The following AK8 variants were observed in gnomAD, a reference collection of about 807,000 sequenced individuals.
AK8 encodes ATP-AMP transphosphorylase 8.
In AK8, 44 loss-of-function variants were observed where a neutral mutation model predicts 54.6. That is an observed-to-expected ratio of 0.81 (90% CI 0.63 to 1.04). The LOEUF (loss-of-function observed/expected upper bound fraction) is 1.04. Ranked by LOEUF, AK8 falls within the 50% of genes least tolerant of loss-of-function variation. The probability of loss-of-function intolerance (pLI) is 0.00; values close to 1 mark genes in which losing one functional copy is unlikely to be tolerated. For synonymous variants in AK8, 239 were observed against 245.6 expected (o/e 0.97, Z 0.25); for missense variants, 555 against 613.6 (o/e 0.90, Z 1.01).
At chr9:132,749,737 A>C (rs535526534) in intron 11 of AK8, among the ~76,000 whole-genome samples, 1 of 150,484 alleles carries the variant, frequency 6.6e-6, no homozygotes, top group East Asian at 2.0e-4. Flanking sequence ...TTGTTCATCG[A>C]TAATTTTTAT....
intron 9 of AK8, 53 bp from the exon 10 acceptor site, chr9:132,814,780 G>A: frequency 2.6e-6 from 4 of 1,529,964 alleles, no homozygotes; most frequent in Admixed American, 2.0e-5. Context: ...TAGGAGGAAG[G>A]ATGAGAAAAA....
intron 11 of AK8, among the ~76,000 whole-genome samples, chr9:132,775,981 C>T (rs1385139155): frequency 6.6e-6 from 1 of 152,220 alleles, no homozygotes; most frequent in South Asian, 2.1e-4. Flanking sequence ...ACAGACAACA[C>T]ACCTAGCAAC....
At position 132,860,327 on chromosome 9, in the gene AK8, T is replaced by C. The variant is rs547925559; in HGVS notation, c.333+3338A>G. 2.0e-5 allele frequency among the ~76,000 whole-genome samples: 3 copies of C among 152,300 alleles called. No individual in the cohort carries two copies. The South Asian group carries it at 6.2e-4, about 32-fold the overall frequency. ...ACTTCTAGGTGTGATAATGTGTCTC[T>C]ATGCGTTTACTGAAAAAGGGCCCTT... On this transcript the variant is annotated intron_variant, in intron 4 of 12. Coordinates refer to ENST00000298545, the MANE Select transcript of AK8 (RefSeq NM_152572.3). The surrounding 1 kb of genome is among the most constrained non-coding windows in gnomAD (Gnocchi z 4.4).
chr9:132,830,471 A>G (rs1842061116), intron 5 of AK8, among the ~76,000 whole-genome samples: 1 of 152,236 alleles, frequency 6.6e-6, no homozygotes, highest in Non-Finnish European at 1.5e-5. Flanking sequence ...AAAATACAGT[A>G]TACCACTGCT....
intron 4 of AK8, among the ~76,000 whole-genome samples, chr9:132,855,832 T>A (rs2131388327): frequency 6.6e-6 from 1 of 152,242 alleles, no homozygotes; most frequent in East Asian, 1.9e-4. Context: ...CAAAGAGGAA[T>A]CCCAAAGAGG....
chr9:132,775,836 C>T (rs1281705171), intron 11 of AK8, among the ~76,000 whole-genome samples: 2 of 152,240 alleles, frequency 1.3e-5, no homozygotes, highest in Non-Finnish European at 2.9e-5. Context: ...CTGCGGTTGC[C>T]TAGGCACTCT....
intron 11 of AK8, among the ~76,000 whole-genome samples, chr9:132,746,096 T>C (rs1590186717): frequency 6.6e-6 from 1 of 152,056 alleles, no homozygotes; most frequent in East Asian, 1.9e-4. Flanking sequence ...CCTAGTGCAC[T>C]CTGTGGGGAG....
intron 10 of AK8, among the ~76,000 whole-genome samples, chr9:132,798,139 C>T (rs967761732): frequency 1.7e-4 from 26 of 152,216 alleles, no homozygotes; most frequent in African/African-American, 5.8e-4. Context: ...CTGGGTGCTG[C>T]TCTGAGGCTA....
intron 5 of AK8, among the ~76,000 whole-genome samples, chr9:132,835,943 G>A (rs781756726): frequency 3.9e-5 from 6 of 152,192 alleles, no homozygotes; most frequent in Non-Finnish European, 7.3e-5. Flanking sequence ...GATCAACATG[G>A]AGAAACCCCG....
At chr9:132,820,722 T>TG (rs140273626) in intron 9 of AK8, among the ~76,000 whole-genome samples, 6 of 152,300 alleles carry the variant, frequency 3.9e-5, no homozygotes, top group Non-Finnish European at 7.3e-5. Context: ...GGAGTGAGTG[T>TG]GGGGGCTGTC....
intron 10 of AK8, among the ~76,000 whole-genome samples, chr9:132,811,310 G>A (rs1483570850): frequency 2.6e-5 from 4 of 152,206 alleles, no homozygotes; most frequent in Non-Finnish European, 5.9e-5. Context: ...GATCGTTCTG[G>A]GTCATCCCAA....
chr9:132,742,775 C>T (rs146985212), intron 11 of AK8, among the ~76,000 whole-genome samples: 2 of 152,218 alleles, frequency 1.3e-5, no homozygotes, highest in African/African-American at 2.4e-5. Flanking sequence ...ACAGAACCCA[C>T]GTGGGCCCAC....
At chr9:132,818,805 A>G (rs898357242) in intron 9 of AK8, among the ~76,000 whole-genome samples, 3 of 151,914 alleles carry the variant, frequency 2.0e-5, no homozygotes, top group Non-Finnish European at 4.4e-5. Context: ...CTATGATTGC[A>G]CCACTGTACT....
At chr9:132,789,335 T>C (rs1839849228) in intron 11 of AK8, among the ~76,000 whole-genome samples, 2 of 150,080 alleles carry the variant, frequency 1.3e-5, no homozygotes, top group Admixed American at 6.6e-5. Context: ...CAGTAGCTCA[T>C]GCCTGTAATC....
intron 11 of AK8, among the ~76,000 whole-genome samples, chr9:132,763,934 A>C (rs1838603293): frequency 6.6e-6 from 1 of 152,246 alleles, no homozygotes; most frequent in Non-Finnish European, 1.5e-5. Context: ...AAATAACCTA[A>C]TGATGCATTT....
At position 132,770,648 on chromosome 9, in the gene AK8, G is replaced by T. The variant is rs1025545905; in HGVS notation, c.1121+21986C>A. 6.6e-6 allele frequency among the ~76,000 whole-genome samples: 1 copy of T among 152,198 alleles called. No homozygotes were observed. The highest frequency in any genetic ancestry group is 1.5e-5 in the Non-Finnish European group (1 of 68,032). ...ACAGAGACCTGGGGCAGCGCGGTGG[G>T]CAGCGGGCTGGGCCGAGATCGAGAC... On this transcript the variant is annotated intron_variant, in intron 11 of 12. Transcript: ENST00000298545. The surrounding 1 kb of genome is among the most constrained non-coding windows in gnomAD (Gnocchi z 4.3).
At chr9:132,734,910 A>G (rs1837026394) in intron 11 of AK8, among the ~76,000 whole-genome samples, 1 of 152,238 alleles carries the variant, frequency 6.6e-6, no homozygotes. Flanking sequence ...ATGCGCCTGT[A>G]GTCCCAGCTA....
At chr9:132,736,230 A>C (rs949836373) in intron 11 of AK8, among the ~76,000 whole-genome samples, 7 of 137,114 alleles carry the variant, frequency 5.1e-5, no homozygotes, top group African/African-American at 1.9e-4. Context: ...CTTGTCCCCT[A>C]GTCTGGAGTG....
intron 11 of AK8, among the ~76,000 whole-genome samples, chr9:132,761,269 C>CT (rs534596980): frequency 0.014 from 1,786 of 125,568 alleles, 16 homozygotes; most frequent in South Asian, 0.028. Context: ...CTTTTCTTTT[C>CT]TTTTTTTTTT....
Sources: allele counts gnomAD v4.1 joint callset (sites outside exome capture counted in the v4.1 genomes callset), GRCh38; gene constraint gnomAD v4.1.1; non-coding constraint Gnocchi (gnomAD v3.1); transcripts MANE v1.5; gene names NCBI Gene and HGNC (gene_info 2026-07-23, HGNC 2026-07-21).